Variants in MED13L observed in about 807,000 individuals in gnomAD.
MED13L encodes mediator of RNA polymerase II transcription subunit 13-like.
MED13L carries 7 observed loss-of-function variants against 220.9 expected under a neutral mutation model. That is an observed-to-expected ratio of 0.03 (90% CI 0.02 to 0.06). MED13L has a LOEUF of 0.06. MED13L is among the 10% of genes least tolerant of loss of function. The pLI is 1.00. For missense variants in MED13L, 1,965 were observed against 2,760.5 expected, an observed-to-expected ratio of 0.71 and a Z score of 6.46; for synonymous variants, 1,011 against 1,015.2, an observed-to-expected ratio of 1.00 and a Z score of 0.08.
At chr12:116,152,569 G>C (rs1878121743) in intron 2 of MED13L, among the ~76,000 whole-genome samples, 3 of 152,094 alleles carry the variant, frequency 2.0e-5, no homozygotes, top group Admixed American at 2.0e-4. Flanking sequence ...AAGACCAGAG[G>C]GGCATAGAGG....
chr12:116,091,966 A>C (rs560337479), intron 4 of MED13L, among the ~76,000 whole-genome samples: 1 of 152,300 alleles, frequency 6.6e-6, no homozygotes, highest in South Asian at 2.1e-4. Flanking sequence ...CTTTTCACAC[A>C]ATCCCCAAAT....
At chr12:116,272,591 T>C (rs917274909) in intron 1 of MED13L, among the ~76,000 whole-genome samples, 1 of 151,796 alleles carries the variant, frequency 6.6e-6, no homozygotes, top group African/African-American at 2.4e-5. Context: ...TGATAAGCTA[T>C]ATAAGCACCT....
At chr12:116,069,792 T>TG (rs1236503424) in intron 4 of MED13L, among the ~76,000 whole-genome samples, 13 of 152,330 alleles carry the variant, frequency 8.5e-5, no homozygotes, top group African/African-American at 3.1e-4. Context: ...AACTGTTTAA[T>TG]GCACAAAAAT....
chr12:115,973,754 G>A (rs775798635), intron 25 of MED13L, among the ~76,000 whole-genome samples: 1 of 152,020 alleles, frequency 6.6e-6, no homozygotes, highest in Non-Finnish European at 1.5e-5. Context: ...AGACCTCCAG[G>A]CTCTTGATAC....
intron 4 of MED13L, among the ~76,000 whole-genome samples, chr12:116,068,781 C>T (rs1043532790): frequency 1.4e-5 from 2 of 141,534 alleles, no homozygotes; most frequent in Non-Finnish European, 3.0e-5. Context: ...AGATTCTAAC[C>T]TGTAATAATA....
intron 30 of MED13L, chr12:115,961,675 C>A (rs570116239): frequency 2.1e-6 from 1 of 476,194 alleles, no homozygotes; most frequent in Non-Finnish European, 3.9e-6. Context: ...CACTGGAGCC[C>A]AAACACTTAG....
chr12:115,974,902 G>C (rs941679768), intron 25 of MED13L, among the ~76,000 whole-genome samples: 1 of 151,950 alleles, frequency 6.6e-6, no homozygotes, highest in East Asian at 1.9e-4. Context: ...ATAAATGTTC[G>C]AAATGTGAAT....
chr12:116,096,235 G>A (rs902421663), intron 4 of MED13L, among the ~76,000 whole-genome samples: 8 of 150,910 alleles, frequency 5.3e-5, no homozygotes, highest in African/African-American at 1.9e-4. Flanking sequence ...TACACCTGTG[G>A]TCCCAGCTAC....
chr12:116,007,634 A>C lies in MED13L; in HGVS notation c.2015T>G (p.Leu672Arg). 1 of 1,266,730 alleles carries C rather than the reference A, an allele frequency of 7.9e-7. No homozygotes were observed. Among genetic ancestry groups the C allele is most frequent in the Non-Finnish European group, 1.1e-6 (1 of 889,820 alleles). 78.5% of individuals were successfully genotyped at this position (1,266,730 alleles called of 1,614,324 possible). The change falls in exon 11 of 31, where the codon CTC (leucine) becomes CGC (arginine). Residue 672 changes from leucine (L) to arginine (R), a missense_variant and splice_region_variant. Physicochemically the swap from Leu to Arg is moderately radical, Grantham distance 102. Around this residue, in one of 10 missense-constraint regions of MED13L, gnomAD observed 818 missense variants for 1,041.2 expected, o/e 0.79. Transcript: ENST00000281928. ...VNSESTALQR[L>R]LAQPNKRFKI... ...AAACCGTTTGTTAGGTTGTGCTAAG[A>C]GTCTAAAAGACAAAAAAAAAAAAAA...
At chr12:116,211,902 C>A (rs148061361) in intron 2 of MED13L, among the ~76,000 whole-genome samples, 96 of 152,120 alleles carry the variant, frequency 6.3e-4, no homozygotes, top group African/African-American at 2.2e-3. Context: ...TGACATATTA[C>A]TAAGGCTGTA....
chr12:116,096,658 TA>T lies in MED13L; in HGVS notation c.479+10del. ...AGAAACCAAAAAGCCAAGAGCATTC[TA>T]AAGGCTCACCTTTTGTTGACTGGCT... On this transcript the variant is annotated intron_variant, in intron 4 of 30. Coordinates refer to ENST00000281928, the MANE Select transcript of MED13L (RefSeq NM_015335.5). 1 of 1,612,696 alleles carries T rather than the reference TA, an allele frequency of 6.2e-7. No individual in the cohort carries two copies. Among genetic ancestry groups the T allele is most frequent in the Non-Finnish European group, 8.5e-7 (1 of 1,178,742 alleles).
chr12:116,084,182 G>A (rs888744418), intron 4 of MED13L, among the ~76,000 whole-genome samples: 3 of 152,144 alleles, frequency 2.0e-5, no homozygotes, highest in Non-Finnish European at 4.4e-5. Flanking sequence ...GGTATTTTTA[G>A]CACCACGTGT....
At chr12:116,069,797 A>G (rs1870230289) in intron 4 of MED13L, among the ~76,000 whole-genome samples, 1 of 152,206 alleles carries the variant, frequency 6.6e-6, no homozygotes, top group African/African-American at 2.4e-5. Context: ...TTTAATGCAC[A>G]AAAATCACTA....
intron 2 of MED13L, among the ~76,000 whole-genome samples, chr12:116,114,408 A>G (rs1299495480): frequency 6.6e-6 from 1 of 152,238 alleles, no homozygotes; most frequent in African/African-American, 2.4e-5. Flanking sequence ...CAATTGCTGT[A>G]TAGCTGACAC....
chr12:116,253,037 G>A (rs1000775237), intron 1 of MED13L, among the ~76,000 whole-genome samples: 4 of 152,100 alleles, frequency 2.6e-5, no homozygotes, highest in Non-Finnish European at 5.9e-5. Context: ...CAAGGCAGGT[G>A]GATCACCTGA....
At chr12:116,031,350 C>T (rs572516504) in intron 4 of MED13L, among the ~76,000 whole-genome samples, 7 of 151,712 alleles carry the variant, frequency 4.6e-5, no homozygotes, top group East Asian at 3.9e-4. Context: ...GAGGCAGAGG[C>T]GGGCGGATCA....
intron 1 of MED13L, among the ~76,000 whole-genome samples, chr12:116,261,553 A>G (rs1157952040): frequency 6.6e-6 from 1 of 151,654 alleles, no homozygotes; most frequent in Non-Finnish European, 1.5e-5. Flanking sequence ...GTTTGTTTTC[A>G]CTTTCTTTTC....
chr12:116,022,871 C>T (rs1880142892), intron 4 of MED13L, among the ~76,000 whole-genome samples: 1 of 152,134 alleles, frequency 6.6e-6, no homozygotes, highest in African/African-American at 2.4e-5. Flanking sequence ...ACTCTTATGC[C>T]AACTATAAAC....
chr12:116,040,933 G>C (rs1167110315), intron 4 of MED13L, among the ~76,000 whole-genome samples: 1 of 152,104 alleles, frequency 6.6e-6, no homozygotes, highest in Admixed American at 6.5e-5. Context: ...AGTACGGGAG[G>C]GATAGTAATG....
Sources: gnomAD v4.1 joint callset for allele counts (sites outside exome capture counted in the v4.1 genomes callset) on GRCh38, gnomAD v4.1.1 for gene constraint, gnomAD v4.1.1 regional missense constraint, MANE v1.5 for transcripts, NCBI Gene and HGNC (gene_info 2026-07-23, HGNC 2026-07-21) for gene names.